NUDCD3: variants seen among roughly 807,000 people sequenced by gnomAD.
The protein encoded by NUDCD3 is nudC domain-containing protein 3.
Under a neutral mutation model 39.7 loss-of-function variants are expected in NUDCD3, and 13 were observed. The observed-to-expected ratio is 0.33, with a 90% CI of 0.21 to 0.52. The LOEUF (loss-of-function observed/expected upper bound fraction) is 0.52. Ranked by LOEUF, NUDCD3 falls within the 20% of genes least tolerant of loss-of-function variation. The probability of loss-of-function intolerance (pLI) is 0.96; values close to 1 mark genes in which losing one functional copy is unlikely to be tolerated. For synonymous variants in NUDCD3, 175 were observed against 172.4 expected, an observed-to-expected ratio of 1.02 and a Z score of -0.12; for missense variants, 453 against 458.1, an observed-to-expected ratio of 0.99 and a Z score of 0.10.
At chr7:44,468,349 CAAAAAAA>C (rs77181470) in intron 2 of NUDCD3, 42 of 381,000 alleles carry the variant, frequency 1.1e-4, no homozygotes, top group Non-Finnish European at 1.4e-4. Flanking sequence ...GTAAAAACTG[CAAAAAAA>C]AAAAAAAAAA....
chr7:44,420,637 T>C (rs1424769611), intron 3 of NUDCD3, among the ~76,000 whole-genome samples: 2 of 152,270 alleles, frequency 1.3e-5, no homozygotes, highest in East Asian at 1.9e-4. Flanking sequence ...GCCCACAGAC[T>C]AACAGCAGAT....
At position 44,386,126 on chromosome 7, in the gene NUDCD3, A is replaced by C. The variant is rs1295761171; in HGVS notation, c.976-5T>G. On this transcript the variant is annotated splice_region_variant and splice_polypyrimidine_tract_variant and intron_variant, in intron 5 of 5. Coordinates refer to ENST00000355451, the MANE Select transcript of NUDCD3 (RefSeq NM_015332.4). ...CTTCAGCATCTCATGGACTTTCTAC[A>C]AACAGAAAATAGAGAGATTAAAGGG... The C allele has an allele frequency of 6.2e-7, 1 of 1,614,094 alleles. No homozygotes were observed. The highest frequency in any genetic ancestry group is 8.5e-7 in the Non-Finnish European group (1 of 1,179,972).
At chr7:44,442,394 G>A (rs1465084894) in intron 2 of NUDCD3, among the ~76,000 whole-genome samples, 3 of 152,196 alleles carry the variant, frequency 2.0e-5, no homozygotes, top group Non-Finnish European at 4.4e-5. Context: ...AAAAGAAGTA[G>A]TTCCAGGGGC....
intron 2 of NUDCD3, among the ~76,000 whole-genome samples, chr7:44,466,972 G>A (rs1294227212): frequency 6.6e-6 from 1 of 152,214 alleles, no homozygotes; most frequent in East Asian, 1.9e-4. Context: ...CTTGGGAGAA[G>A]ATTCTGGTCC....
At chr7:44,456,830 A>C (rs902816573) in intron 2 of NUDCD3, among the ~76,000 whole-genome samples, 4 of 152,176 alleles carry the variant, frequency 2.6e-5, no homozygotes, top group Non-Finnish European at 5.9e-5. Flanking sequence ...AATGCAGGGA[A>C]TATTTCCAAC....
At position 44,482,222 on chromosome 7, in the gene NUDCD3, G is replaced by C. The variant is rs116066033; in HGVS notation, c.509+2746C>G. 5.7e-3 allele frequency among the ~76,000 whole-genome samples: 866 copies of C among 152,272 alleles called. 5 individuals are homozygous for C. Among genetic ancestry groups the C allele is most frequent in the African/African-American group, 0.02 (824 of 41,534 alleles). On this transcript the variant is annotated intron_variant, in intron 2 of 5. Transcript: ENST00000355451. ...TGGCTGAATACAAAACTGCACATGT[G>C]TAAAGTGCAACTCCATGAGACAAGT... is the stretch of plus-strand genomic sequence containing the variant.
intron 2 of NUDCD3, among the ~76,000 whole-genome samples, chr7:44,428,206 C>T (rs981533022): frequency 1.3e-5 from 2 of 148,278 alleles, no homozygotes; most frequent in African/African-American, 2.5e-5. Flanking sequence ...AGGCCAAGGG[C>T]GGGTGAATCA....
chr7:44,421,575 G>C (rs1302686064), intron 3 of NUDCD3, among the ~76,000 whole-genome samples: 2 of 151,406 alleles, frequency 1.3e-5, no homozygotes, highest in Admixed American at 1.3e-4. Context: ...GACAAAGAAG[G>C]GCATTACATA....
intron 2 of NUDCD3, among the ~76,000 whole-genome samples, chr7:44,476,931 A>C (rs146750625): frequency 1.1e-3 from 175 of 152,314 alleles, no homozygotes; most frequent in African/African-American, 3.5e-3. Flanking sequence ...ATACCTACGG[A>C]GACCAAGTCA....
chr7:44,414,293 G>C (rs1239639911), intron 3 of NUDCD3, among the ~76,000 whole-genome samples: 1 of 152,116 alleles, frequency 6.6e-6, no homozygotes, highest in African/African-American at 2.4e-5. Flanking sequence ...AGGGATGGTG[G>C]GTTTGGGGCA....
intron 2 of NUDCD3, among the ~76,000 whole-genome samples, chr7:44,477,822 CTTT>C (rs938640330): frequency 2.1e-5 from 2 of 94,150 alleles, no homozygotes; most frequent in East Asian, 3.0e-4. Context: ...ATGAACAATT[CTTT>C]TTTTTTTTTT....
chr7:44,430,717 C>T lies in NUDCD3; in HGVS notation c.510-3014G>A, dbSNP rs188479677. Among the ~76,000 whole-genome samples the T allele has an allele frequency of 1.8e-3, 272 of 152,074 alleles. 1 individual carries two copies. The highest frequency in any genetic ancestry group is 0.014 in the Admixed American group (209 of 15,246). ...CAAGAAAGGAGAATGAGTATAATGC[C>T]GGGGGATATCCTTGGGGACGCTGCC... On this transcript the variant is annotated intron_variant, in intron 2 of 5. Coordinates refer to ENST00000355451, the MANE Select transcript of NUDCD3 (RefSeq NM_015332.4).
At chr7:44,467,965 C>T (rs749023999) in intron 2 of NUDCD3, 7 of 1,611,006 alleles carry the variant, frequency 4.3e-6, no homozygotes, top group Non-Finnish European at 5.9e-6. Context: ...TCATCCAGCA[C>T]CAGTCAGACC....
Position 44,384,043 on chromosome 7 carries a change from CAG to C in NUDCD3, c.*1966_*1967del. 6.6e-6 allele frequency: 1 copy of C among 152,366 alleles called. No individual in the cohort carries two copies. The highest frequency in any genetic ancestry group is 1.9e-4 in the East Asian group (1 of 5,186). The allele number at this position is 152,366 out of a possible 1,614,324, so 9.4% of individuals were successfully genotyped here. A position where few individuals can be genotyped will look rare whatever the true frequency, so the allele number is the denominator to read the frequency against. On this transcript the variant is annotated 3_prime_UTR_variant, in exon 6 of 6. Coordinates refer to ENST00000355451, the MANE Select transcript of NUDCD3 (RefSeq NM_015332.4). ...GCAGGGAGTGGGGAGAAATGCAACA[CAG>C]AATATAAAATCAGGCAAAACAAACA...
Position 44,490,523 on chromosome 7 carries a change from G to A in NUDCD3, c.78C>T (p.Phe26=), listed in dbSNP as rs767162117. 1 of 1,612,110 alleles carries A rather than the reference G, an allele frequency of 6.2e-7. No homozygotes were observed. Among genetic ancestry groups the A allele is most frequent in the South Asian group, 1.1e-5 (1 of 90,770 alleles). ...ILQHVGNVQD[F]LRVLFGFLYR... Reference sequence around the variant, plus strand: ...AGAGGAAGCCAAAGAGAACGCGCAGGAAATCCTGGACGTTGCCCACGTGCT... The same window carrying A: ...AGAGGAAGCCAAAGAGAACGCGCAGAAAATCCTGGACGTTGCCCACGTGCT... Residue 26 remains phenylalanine, a synonymous_variant, in exon 1 of 6, where the codon TTC becomes TTT. Transcript: ENST00000355451.
chr7:44,411,426 C>T (rs139022731), intron 3 of NUDCD3, among the ~76,000 whole-genome samples: 472 of 152,184 alleles, frequency 3.1e-3, no homozygotes, highest in Non-Finnish European at 3.3e-3. Context: ...CTTACAACTC[C>T]ACAATAAAAA....
chr7:44,411,674 A>C (rs1426708869), intron 3 of NUDCD3, among the ~76,000 whole-genome samples: 2 of 152,254 alleles, frequency 1.3e-5, no homozygotes, highest in Non-Finnish European at 2.9e-5. Context: ...GCACCCTCAT[A>C]CATTTCTGGT....
chr7:44,440,013 A>G (rs976799323), intron 2 of NUDCD3, among the ~76,000 whole-genome samples: 1 of 152,192 alleles, frequency 6.6e-6, no homozygotes, highest in Non-Finnish European at 1.5e-5. Flanking sequence ...AATTTAACAA[A>G]TAATTTGAAA....
intron 2 of NUDCD3, among the ~76,000 whole-genome samples, chr7:44,454,623 T>C (rs561135212): frequency 1.3e-5 from 2 of 152,100 alleles, no homozygotes; most frequent in South Asian, 4.2e-4. Context: ...TTAGACTGAG[T>C]CCTTCTCAAA....
Sources: allele counts gnomAD v4.1 joint callset (sites outside exome capture counted in the v4.1 genomes callset), GRCh38; gene constraint gnomAD v4.1.1; transcripts MANE v1.5; gene names NCBI Gene and HGNC (gene_info 2026-07-23, HGNC 2026-07-21).